The following MARCHF10 variants were observed in gnomAD, a reference collection of about 807,000 sequenced individuals.
MARCHF10 encodes the protein membrane associated ring-CH-type finger 10.
MARCHF10 carries 64 observed loss-of-function variants against 76.2 expected under a neutral mutation model. That is an observed-to-expected ratio of 0.84 (90% CI 0.69 to 1.03). The LOEUF is 1.03. MARCHF10 is among the 50% of genes least tolerant of loss of function. MARCHF10 has a pLI of 0.00. For synonymous variants in MARCHF10, 340 were observed against 357.5 expected (o/e 0.95, Z 0.55); for missense variants, 875 against 958.0 (o/e 0.91, Z 1.14).
intron 3 of MARCHF10, among the ~76,000 whole-genome samples, chr17:62,775,507 C>CGG (rs138680582): frequency 0.13 from 19,007 of 146,492 alleles, 3,396 homozygotes; most frequent in African/African-American, 0.41. Context: ...GTCAGCCACT[C>CGG]GGGGGGGGGC....
chr17:62,733,991 T>C (rs1166073314), intron 6 of MARCHF10, among the ~76,000 whole-genome samples: 2 of 152,160 alleles, frequency 1.3e-5, no homozygotes, highest in Non-Finnish European at 2.9e-5. Context: ...GAGACCAGCC[T>C]GGCCAACATG....
At chr17:62,758,934 G>A (rs74842480) in intron 4 of MARCHF10, among the ~76,000 whole-genome samples, 1 of 152,330 alleles carries the variant, frequency 6.6e-6, no homozygotes, top group East Asian at 1.9e-4. Flanking sequence ...TGATGGAGAT[G>A]AGCCCGAGAG....
Position 62,724,931 on chromosome 17 carries a change from C to T in MARCHF10, c.2104+7G>A. 6.2e-7 allele frequency: 1 copy of T among 1,611,250 alleles called. No homozygotes were observed. Among genetic ancestry groups the T allele is most frequent in the Non-Finnish European group, 8.5e-7 (1 of 1,178,944 alleles). On this transcript the variant is annotated splice_region_variant and intron_variant, in intron 7 of 10. Transcript: ENST00000311269. ...GGCACGTTCACTGCACTTCCTTCCCCACCTACCTGATGTTATTTTCACTTT... is the reference window on the plus strand; with the variant it reads ...GGCACGTTCACTGCACTTCCTTCCCTACCTACCTGATGTTATTTTCACTTT...
intron 6 of MARCHF10, chr17:62,726,236 G>A (rs903301666): frequency 5.3e-5 from 8 of 152,228 alleles, no homozygotes; most frequent in Admixed American, 2.0e-4. Context: ...AGAAGCCTAA[G>A]GCTATTTTCT....
chr17:62,718,078 C>T (rs1038114551), intron 8 of MARCHF10, among the ~76,000 whole-genome samples: 7 of 152,130 alleles, frequency 4.6e-5, no homozygotes, highest in Non-Finnish European at 1.0e-4. Flanking sequence ...AGTTCTCATG[C>T]GTGGAGCCTC....
intron 4 of MARCHF10, among the ~76,000 whole-genome samples, chr17:62,751,512 T>C (rs1197146601): frequency 6.6e-6 from 1 of 152,214 alleles, no homozygotes; most frequent in Non-Finnish European, 1.5e-5. Flanking sequence ...GCCCAAACCC[T>C]GGTGATGAGA....
intron 3 of MARCHF10, among the ~76,000 whole-genome samples, chr17:62,766,117 G>A (rs551912938): frequency 6.0e-5 from 9 of 150,086 alleles, no homozygotes; most frequent in East Asian, 2.0e-4. Context: ...GATTGCCCAC[G>A]CCTAGGAGGT....
chr17:62,716,116 C>G (rs2090182126), intron 8 of MARCHF10, among the ~76,000 whole-genome samples: 1 of 152,162 alleles, frequency 6.6e-6, no homozygotes, highest in South Asian at 2.1e-4. Context: ...GTTCAGAGAG[C>G]AAGTCGGAGT....
At position 62,736,997 on chromosome 17, in the gene MARCHF10, T is replaced by C; in HGVS notation, c.871A>G (p.Thr291Ala). 6.2e-7 allele frequency: 1 copy of C among 1,614,212 alleles called. No homozygotes were observed. The highest frequency in any genetic ancestry group is 1.1e-5 in the South Asian group (1 of 91,090). ...SLNSRRESDD[T>A]EEETQSEECL... ...TCTTCAGACTGGGTTTCCTCTTCAG[T>C]GTCATCGCTTTCTCTTCTGCTGTTC... The change falls in exon 6 of 11, where the codon ACT becomes GCT. Residue 291 changes from threonine (T) to alanine (A), a missense_variant. Transcript: ENST00000311269.
At chr17:62,803,333 G>A (rs1388994481) in intron 1 of MARCHF10, among the ~76,000 whole-genome samples, 1 of 152,012 alleles carries the variant, frequency 6.6e-6, no homozygotes, top group East Asian at 1.9e-4. Context: ...CCCTCCAGTT[G>A]CAGTATGAGA....
chr17:62,751,692 G>A (rs2091901849), intron 4 of MARCHF10, among the ~76,000 whole-genome samples: 1 of 152,150 alleles, frequency 6.6e-6, no homozygotes. Context: ...TCAGTTCCAA[G>A]TCTAAAATCC....
At chr17:62,750,457 C>G (rs992473543) in intron 4 of MARCHF10, 6 of 153,458 alleles carry the variant, frequency 3.9e-5, no homozygotes, top group Non-Finnish European at 7.3e-5. Flanking sequence ...TGGTATTGGG[C>G]TGCAGGACAG....
At chr17:62,726,719 G>A (rs879353490) in intron 6 of MARCHF10, among the ~76,000 whole-genome samples, 3 of 152,136 alleles carry the variant, frequency 2.0e-5, no homozygotes, top group African/African-American at 4.8e-5. Flanking sequence ...TGCAACCTCT[G>A]CCGGATTCAA....
At chr17:62,707,519 G>A (rs2089664477) in intron 9 of MARCHF10, 2 of 152,408 alleles carry the variant, frequency 1.3e-5, no homozygotes, top group Admixed American at 6.5e-5. Flanking sequence ...AAAGAAGTGG[G>A]AACACTGACT....
chr17:62,763,787 T>A (rs1309145646), intron 3 of MARCHF10, among the ~76,000 whole-genome samples: 2 of 152,208 alleles, frequency 1.3e-5, no homozygotes, highest in African/African-American at 4.8e-5. Flanking sequence ...CTGCTGAGAA[T>A]CTGATGAAAG....
At chr17:62,765,881 A>G (rs1165313880) in intron 3 of MARCHF10, among the ~76,000 whole-genome samples, 1 of 152,160 alleles carries the variant, frequency 6.6e-6, no homozygotes, top group African/African-American at 2.4e-5. Context: ...AGGAAGCAGT[A>G]TGTGGCCAGG....
intron 4 of MARCHF10, among the ~76,000 whole-genome samples, chr17:62,755,742 T>C (rs1781206333): frequency 6.6e-6 from 1 of 152,190 alleles, no homozygotes; most frequent in African/African-American, 2.4e-5. Context: ...CTTCATCTTT[T>C]TCCATTTGGC....
intron 3 of MARCHF10, among the ~76,000 whole-genome samples, chr17:62,779,525 G>C (rs1172983911): frequency 6.6e-6 from 1 of 152,176 alleles, no homozygotes; most frequent in Admixed American, 6.5e-5. Flanking sequence ...GGAATGAAAG[G>C]AGTCATGCAG....
chr17:62,799,567 G>C (rs2041282), intron 2 of MARCHF10, among the ~76,000 whole-genome samples: 3,056 of 152,200 alleles, frequency 0.02, 105 homozygotes, highest in Admixed American at 0.09. Context: ...GACCAACATG[G>C]AGAAACCCCG....
Sources: gnomAD v4.1 joint callset for allele counts (sites outside exome capture counted in the v4.1 genomes callset) on GRCh38, gnomAD v4.1.1 for gene constraint, MANE v1.5 for transcripts, NCBI Gene and HGNC (gene_info 2026-07-23, HGNC 2026-07-21) for gene names.